Variants in ZNF407 observed in about 807,000 individuals in gnomAD.
ZNF407 encodes zinc finger protein 407.
A neutral mutation model predicts 131.2 loss-of-function variants in ZNF407; 17 were observed. That is an observed-to-expected ratio of 0.13 (90% CI 0.09 to 0.19). ZNF407 has a LOEUF of 0.19. Ranked by LOEUF, ZNF407 falls within the 10% of genes least tolerant of loss-of-function variation. ZNF407 has a pLI of 1.00. For missense variants in ZNF407, 2,681 were observed against 2,830.6 expected (o/e 0.95, Z 1.20); for synonymous variants, 1,156 against 1,062.0 (o/e 1.09, Z -1.72).
chr18:75,050,082 T>C (rs191825010), intron 8 of ZNF407, among the ~76,000 whole-genome samples: 1 of 152,362 alleles, frequency 6.6e-6, no homozygotes, highest in African/African-American at 2.4e-5. Context: ...TCAAATATTT[T>C]AGTCATACAA....
intron 3 of ZNF407, among the ~76,000 whole-genome samples, chr18:74,736,881 A>G (rs1405778896): frequency 1.3e-5 from 2 of 152,182 alleles, no homozygotes; most frequent in Non-Finnish European, 2.9e-5. Context: ...TATTCTCATT[A>G]GGAGAGAAAA....
At chr18:74,649,288 G>A (rs1469041915) in intron 3 of ZNF407, among the ~76,000 whole-genome samples, 1 of 152,210 alleles carries the variant, frequency 6.6e-6, no homozygotes, top group African/African-American at 2.4e-5. Flanking sequence ...ACCATTACAT[G>A]TGTTAATGGG....
At position 74,659,814 on chromosome 18, in the gene ZNF407, C is replaced by G. The variant is rs1179884501; in HGVS notation, c.4802+18692C>G. Among the ~76,000 whole-genome samples, 4 of 152,208 alleles carry G rather than the reference C, an allele frequency of 2.6e-5. No individual in the cohort carries two copies. In the East Asian group the frequency reaches 7.7e-4, roughly 29 times the overall value. Reference sequence around the variant, plus strand: ...AGTATTTAGGTACAAGTTTTCTGGGCTTTGTAGCCTTTTTAAGGTTAAGGA... The same window carrying G: ...AGTATTTAGGTACAAGTTTTCTGGGGTTTGTAGCCTTTTTAAGGTTAAGGA... On this transcript the variant is annotated intron_variant, in intron 3 of 8. Transcript: ENST00000299687.
At chr18:74,996,958 T>C (rs1972786619) in intron 8 of ZNF407, among the ~76,000 whole-genome samples, 1 of 152,204 alleles carries the variant, frequency 6.6e-6, no homozygotes, top group African/African-American at 2.4e-5. Context: ...AAATGAAAAA[T>C]GCATAAAATA....
chr18:74,707,766 T>G (rs542329), intron 3 of ZNF407, among the ~76,000 whole-genome samples: 150,750 of 152,314 alleles, frequency 0.99, 74,623 homozygotes, highest in Middle Eastern at 1. Flanking sequence ...CATGAAATCT[T>G]TGTCTACTTT....
intron 3 of ZNF407, among the ~76,000 whole-genome samples, chr18:74,738,239 G>A (rs1481435076): frequency 6.6e-6 from 1 of 151,656 alleles, no homozygotes; most frequent in Non-Finnish European, 1.5e-5. Context: ...GGCCAACATG[G>A]TGAAACCCTG....
chr18:74,610,751 A>G lies in ZNF407; in HGVS notation c.-54+12814A>G, dbSNP rs1599127499. ...TTTTTTAAGTAGAGATGGGGGTTTC[A>G]CCATGTTGGCCAGGCTGGTCTCGAA... On this transcript the variant is annotated intron_variant, in intron 1 of 8. Transcript: ENST00000299687. Among the ~76,000 whole-genome samples the G allele has an allele frequency of 2.0e-5, 3 of 151,742 alleles. No homozygotes were observed. The South Asian group carries it at 6.3e-4, about 32-fold the overall frequency.
intron 3 of ZNF407, among the ~76,000 whole-genome samples, chr18:74,740,634 G>A (rs1968527745): frequency 1.3e-5 from 2 of 152,156 alleles, no homozygotes; most frequent in South Asian, 4.1e-4. Context: ...CAAATGCAGG[G>A]TTAGAGTTAG....
At chr18:75,053,706 G>A (rs1278528050) in intron 8 of ZNF407, among the ~76,000 whole-genome samples, 2 of 152,210 alleles carry the variant, frequency 1.3e-5, no homozygotes, top group East Asian at 1.9e-4. Context: ...ATGCGTTATC[G>A]TTTTCTACCT....
intron 4 of ZNF407, among the ~76,000 whole-genome samples, chr18:74,789,742 C>A (rs921572530): frequency 3.3e-5 from 5 of 152,176 alleles, no homozygotes; most frequent in Non-Finnish European, 7.3e-5. Context: ...CTTCTCTTCC[C>A]CAGTCACTAA....
At chr18:74,877,058 A>G in intron 4 of ZNF407, 139 bp from the exon 5 acceptor site, 4 of 693,368 alleles carry the variant, frequency 5.8e-6, no homozygotes, top group South Asian at 3.5e-5. Flanking sequence ...GGTTATACAG[A>G]CATGACAGAC....
In ZNF407 at chr18:75,052,342, G is replaced by A. The variant is rs575632445; in HGVS notation, c.5429-10808G>A. ...CGCGCGCTTATGCTAGATTGCCTTTGCCCCTTCAGAATATTACGATGAGCC... is the reference window on the plus strand; with the variant it reads ...CGCGCGCTTATGCTAGATTGCCTTTACCCCTTCAGAATATTACGATGAGCC... On this transcript the variant is annotated intron_variant, in intron 8 of 8. Transcript: ENST00000299687. Among the ~76,000 whole-genome samples, 6 of 152,136 alleles carry A rather than the reference G, an allele frequency of 3.9e-5. No individual in the cohort carries two copies. The East Asian group carries it at 1.2e-3, about 29-fold the overall frequency.
chr18:74,825,740 G>A (rs2145109739), intron 4 of ZNF407, among the ~76,000 whole-genome samples: 1 of 152,224 alleles, frequency 6.6e-6, no homozygotes, highest in East Asian at 1.9e-4. Flanking sequence ...ATGATGTATT[G>A]ATTCTTATGT....
At chr18:74,610,611 C>T (rs991300878) in intron 1 of ZNF407, among the ~76,000 whole-genome samples, 1 of 152,124 alleles carries the variant, frequency 6.6e-6, no homozygotes, top group Non-Finnish European at 1.5e-5. Context: ...AGTGCAATGG[C>T]TCATCTCGGC....
chr18:74,937,482 A>G (rs1351780767), intron 8 of ZNF407, among the ~76,000 whole-genome samples: 1 of 152,212 alleles, frequency 6.6e-6, no homozygotes, highest in African/African-American at 2.4e-5. Context: ...ATGCTAGATA[A>G]TTGACAGTGT....
intron 1 of ZNF407, among the ~76,000 whole-genome samples, chr18:74,603,072 G>A (rs1486639208): frequency 6.6e-6 from 1 of 152,202 alleles, no homozygotes; most frequent in Non-Finnish European, 1.5e-5. Context: ...ACTGCGAAGG[G>A]TCTTGAAGGC....
intron 8 of ZNF407, among the ~76,000 whole-genome samples, chr18:74,971,446 G>T (rs1289002295): frequency 6.6e-6 from 1 of 152,150 alleles, no homozygotes; most frequent in Non-Finnish European, 1.5e-5. Flanking sequence ...ATGCTTTGCT[G>T]CTTAGAAATT....
chr18:74,601,455 C>T (rs1329471877), intron 1 of ZNF407, among the ~76,000 whole-genome samples: 1 of 151,764 alleles, frequency 6.6e-6, no homozygotes. Flanking sequence ...GGGTGTTAGG[C>T]CATTCTTGCA....
At chr18:74,936,193 G>A (rs1972038200) in intron 8 of ZNF407, among the ~76,000 whole-genome samples, 1 of 152,060 alleles carries the variant, frequency 6.6e-6, no homozygotes, top group Admixed American at 6.6e-5. Context: ...CATTGAAAAG[G>A]ACAATTGAAA....
Sources: gnomAD v4.1 joint callset for allele counts (sites outside exome capture counted in the v4.1 genomes callset) on GRCh38, gnomAD v4.1.1 for gene constraint, MANE v1.5 for transcripts, NCBI Gene and HGNC (gene_info 2026-07-23, HGNC 2026-07-21) for gene names.